The following FANCB variants were observed in gnomAD, a reference collection of about 807,000 sequenced individuals.
The protein encoded by FANCB is Fanconi anemia group B protein.
In FANCB, 5 loss-of-function variants were observed where a neutral mutation model predicts 38.9. The observed-to-expected ratio is 0.13, with a 90% CI of 0.07 to 0.27. The LOEUF (loss-of-function observed/expected upper bound fraction) is 0.27. Ranked by LOEUF, FANCB falls within the 10% of genes least tolerant of loss-of-function variation. The probability of loss-of-function intolerance (pLI) is 1.00; values close to 1 mark genes in which losing one functional copy is unlikely to be tolerated. For synonymous variants in FANCB, 236 were observed against 215.4 expected (o/e 1.10, Z -0.84); for missense variants, 573 against 602.7 (o/e 0.95, Z 0.52).
the FANCB span, among the ~76,000 whole-genome samples, chrX:14,706,292 C>T: frequency 2.7e-5 from 3 of 111,886 alleles, no homozygotes; most frequent in African/African-American, 9.8e-5. Flanking sequence ...TCAGGAGATT[C>T]ACTAGCACAT....
At chrX:14,806,379 T>C in the FANCB span, among the ~76,000 whole-genome samples, 1 of 112,206 alleles carries the variant, frequency 8.9e-6, no homozygotes, top group Non-Finnish European at 1.9e-5. Context: ...TGAGCCTCTC[T>C]ATTACTCCTA....
At chrX:14,761,500 T>C in the FANCB span, among the ~76,000 whole-genome samples, 10 of 110,333 alleles carry the variant, frequency 9.1e-5, no homozygotes, top group African/African-American at 3.3e-4. Flanking sequence ...AGGTACAGCA[T>C]TTCATGATTG....
chrX:14,804,649 A>G, the FANCB span, among the ~76,000 whole-genome samples: 1 of 112,346 alleles, frequency 8.9e-6, no homozygotes, highest in African/African-American at 3.2e-5. Flanking sequence ...AAATAAAAAT[A>G]AAAATAAAAA....
At chrX:14,778,313 A>G in the FANCB span, among the ~76,000 whole-genome samples, 1 of 111,589 alleles carries the variant, frequency 9.0e-6, no homozygotes, top group African/African-American at 3.3e-5. Flanking sequence ...TGCTACTAGG[A>G]TGTAGTGGGT....
chrX:14,833,100 A>G (rs376477690), downstream of FANCB, among the ~76,000 whole-genome samples: 15 of 112,502 alleles, frequency 1.3e-4, no homozygotes, highest in South Asian at 5.1e-3. Context: ...AAATGGTAAA[A>G]TGTAAAAAAA....
chrX:14,801,462 T>C, the FANCB span, among the ~76,000 whole-genome samples: 1 of 111,894 alleles, frequency 8.9e-6, no homozygotes, highest in Non-Finnish European at 1.9e-5. Context: ...TTCCTCAAAC[T>C]ACAGGTCATT....
At chrX:14,793,900 A>G in the FANCB span, among the ~76,000 whole-genome samples, 1 of 111,831 alleles carries the variant, frequency 8.9e-6, no homozygotes, top group Non-Finnish European at 1.9e-5. Context: ...TGGAATGGGA[A>G]GTATGGAAGG....
the FANCB span, among the ~76,000 whole-genome samples, chrX:14,696,796 C>T: frequency 2.7e-5 from 3 of 111,822 alleles, no homozygotes; most frequent in South Asian, 1.1e-3. Context: ...TTAGAGATGC[C>T]AGTTGGCAGT....
chrX:14,793,050 T>C, the FANCB span, among the ~76,000 whole-genome samples: 1 of 112,349 alleles, frequency 8.9e-6, no homozygotes, highest in African/African-American at 3.2e-5. Context: ...ACTTAATCAA[T>C]TCTTCTTCCA....
intron 3 of FANCB, among the ~76,000 whole-genome samples, chrX:14,859,600 T>C (rs1293327503): frequency 2.7e-5 from 3 of 112,070 alleles, no homozygotes; most frequent in Admixed American, 9.5e-5. Flanking sequence ...TTGATTTCTA[T>C]ATCAAAATTT....
intron 1 of FANCB, among the ~76,000 whole-genome samples, chrX:14,869,956 T>C (rs1002863530): frequency 6.2e-5 from 7 of 112,455 alleles, no homozygotes; most frequent in Non-Finnish European, 1.3e-4. Flanking sequence ...GCAAGACTTA[T>C]TGAATTTACA....
At position 14,860,481 on chromosome X, in the gene FANCB, C is replaced by A. The variant is rs747650282; in HGVS notation, c.952-1147G>T. Among the ~76,000 whole-genome samples the A allele has an allele frequency of 2.7e-5, 3 of 112,129 alleles. No homozygotes were observed. The South Asian group carries it at 1.1e-3, about 41-fold the overall frequency. On this transcript the variant is annotated intron_variant, in intron 3 of 9. Coordinates refer to ENST00000650831, the MANE Select transcript of FANCB (RefSeq NM_001018113.3). The stretch of plus-strand genomic sequence containing the variant: ...AGAACTATGTATGTATGCATGTGTA[C>A]ACACACATATTTGCAATCTATAGCT...
the FANCB span, among the ~76,000 whole-genome samples, chrX:14,708,318 G>C: frequency 9.0e-6 from 1 of 111,438 alleles, no homozygotes; most frequent in Non-Finnish European, 1.9e-5. Flanking sequence ...GATCAGGCCA[G>C]GTAAACAAAT....
chrX:14,737,159 C>CA, the FANCB span, among the ~76,000 whole-genome samples: 25 of 110,224 alleles, frequency 2.3e-4, no homozygotes, highest in African/African-American at 7.6e-4. Context: ...CCAACAACAA[C>CA]AAAAAAAAGC....
the FANCB span, among the ~76,000 whole-genome samples, chrX:14,755,061 T>C: frequency 8.9e-6 from 1 of 111,780 alleles, no homozygotes; most frequent in East Asian, 2.8e-4. Context: ...ACAAAAACCA[T>C]ATAATCATTT....
intron 7 of FANCB, among the ~76,000 whole-genome samples, 180 bp downstream of exon 7, chrX:14,850,325 G>A (rs1288876169): frequency 9.0e-6 from 1 of 111,589 alleles, no homozygotes; most frequent in Non-Finnish European, 1.9e-5. Context: ...ACTCCATCCT[G>A]GGCAACAGAG....
downstream of FANCB, among the ~76,000 whole-genome samples, chrX:14,833,369 T>C (rs1175753232): frequency 1.8e-5 from 2 of 111,916 alleles, no homozygotes; most frequent in Non-Finnish European, 3.8e-5. Context: ...GGTTACTTAT[T>C]ACCTTGAGTC....
chrX:14,692,894 T>G, the FANCB span, among the ~76,000 whole-genome samples: 2 of 111,557 alleles, frequency 1.8e-5, no homozygotes, highest in Non-Finnish European at 3.8e-5. Flanking sequence ...TAAAGACTAA[T>G]TTTTAAAAAA....
At chrX:14,744,650 A>C in the FANCB span, among the ~76,000 whole-genome samples, 4 of 112,105 alleles carry the variant, frequency 3.6e-5, no homozygotes, top group African/African-American at 1.3e-4. Context: ...GAGAAGCAGT[A>C]TAATTTCTAA....
Sources: gnomAD v4.1 joint callset for allele counts (sites outside exome capture counted in the v4.1 genomes callset) on GRCh38, gnomAD v4.1.1 for gene constraint, MANE v1.5 for transcripts, NCBI Gene and HGNC (gene_info 2026-07-23, HGNC 2026-07-21) for gene names.